The following SLC1A3 variants were observed in gnomAD, a reference collection of about 807,000 sequenced individuals.
The protein encoded by SLC1A3 is excitatory amino acid transporter 1.
SLC1A3 carries 21 observed loss-of-function variants against 48.1 expected under a neutral mutation model. That is an observed-to-expected ratio of 0.44 (90% confidence interval 0.31 to 0.63). The LOEUF (loss-of-function observed/expected upper bound fraction) is 0.63, where lower values mean the gene tolerates loss of function less well. SLC1A3 is among the 20% of genes least tolerant of loss of function. SLC1A3 has a pLI of 0.08. For synonymous variants in SLC1A3, 239 were observed against 251.4 expected, an observed-to-expected ratio of 0.95 and a Z score of 0.47; for missense variants, 546 against 689.0, an observed-to-expected ratio of 0.79 and a Z score of 2.32.
chr5:36,644,544 C>T (rs1161657073), intron 3 of SLC1A3, among the ~76,000 whole-genome samples: 1 of 152,074 alleles, frequency 6.6e-6, no homozygotes, highest in East Asian at 1.9e-4. Flanking sequence ...TTGAACTGTA[C>T]CTCTAAAAAT....
At chr5:36,597,690 A>T (rs530268012) in intron 1 of SLC1A3, among the ~76,000 whole-genome samples, 43 of 152,218 alleles carry the variant, frequency 2.8e-4, no homozygotes, top group African/African-American at 8.7e-4. Context: ...TGCCGTGGGT[A>T]AACAGCAATC....
intron 3 of SLC1A3, among the ~76,000 whole-genome samples, chr5:36,660,925 G>A (rs984344829): frequency 2.6e-5 from 4 of 151,798 alleles, no homozygotes; most frequent in Non-Finnish European, 5.9e-5. Context: ...TTTTCTCTAC[G>A]TTTTCTCTTT....
intron 9 of SLC1A3, among the ~76,000 whole-genome samples, chr5:36,684,864 A>G (rs1742582346): frequency 6.6e-6 from 1 of 152,184 alleles, no homozygotes; most frequent in Non-Finnish European, 1.5e-5. Context: ...CTACCTCTGT[A>G]AAATGAGGGT....
intron 2 of SLC1A3, 49 bp from the exon 3 acceptor site, chr5:36,629,401 T>A: frequency 1.9e-6 from 3 of 1,548,906 alleles, no homozygotes; most frequent in Non-Finnish European, 2.6e-6. Context: ...TCCTTCTGTT[T>A]CAAAAAAGAC....
chr5:36,604,119 A>G (rs1738839219), upstream of SLC1A3, among the ~76,000 whole-genome samples: 1 of 152,206 alleles, frequency 6.6e-6, no homozygotes. Flanking sequence ...TACTGATAAC[A>G]TACTTCATCA....
intron 3 of SLC1A3, among the ~76,000 whole-genome samples, chr5:36,642,376 A>G (rs1318046494): frequency 1.3e-5 from 2 of 152,200 alleles, no homozygotes; most frequent in African/African-American, 2.4e-5. Context: ...CTCAAAACAT[A>G]CTTGCTGCCA....
intron 1 of SLC1A3, chr5:36,606,951 G>C (rs1241469802): frequency 6.6e-6 from 1 of 152,278 alleles, no homozygotes; most frequent in Non-Finnish European, 1.5e-5. Context: ...GTGGATTGGG[G>C]GCAGATTGTG....
chr5:36,682,647 T>C (rs1299462429), intron 8 of SLC1A3, among the ~76,000 whole-genome samples: 1 of 152,266 alleles, frequency 6.6e-6, no homozygotes, highest in Non-Finnish European at 1.5e-5. Flanking sequence ...TGCTCTGTGG[T>C]ATAAGAGACT....
At chr5:36,665,220 A>AC (rs1377240906) in intron 3 of SLC1A3, among the ~76,000 whole-genome samples, 1 of 57,036 alleles carries the variant, frequency 1.8e-5, no homozygotes, top group African/African-American at 4.6e-5. Context: ...TAAGTGTTAG[A>AC]AAAAAAAAAA....
intron 1 of SLC1A3, among the ~76,000 whole-genome samples, chr5:36,596,747 T>C (rs1002383429): frequency 6.6e-6 from 1 of 152,210 alleles, no homozygotes; most frequent in African/African-American, 2.4e-5. Flanking sequence ...CTAATAAAAT[T>C]ATTCACTCTC....
intron 9 of SLC1A3, among the ~76,000 whole-genome samples, chr5:36,685,357 A>T (rs192659442): frequency 1.8e-4 from 27 of 152,142 alleles, no homozygotes; most frequent in Middle Eastern, 6.8e-3. Flanking sequence ...GCTCACTGCA[A>T]CCTCCGCCTC....
rs141636019 is a variant in SLC1A3 at position 36,679,872 on chromosome 5, T to A, written c.1094+12T>A. On this transcript the variant is annotated intron_variant, in intron 7 of 9. Transcript: ENST00000265113. ...GGGACCTCTTCAAGGTATGTATGTA[T>A]GTGTGGAAAATGAGTCTGAAATGTT... The A allele has an allele frequency of 6.3e-7, 1 of 1,585,444 alleles. No homozygotes were observed. The highest frequency in any genetic ancestry group is 1.3e-5 in the African/African-American group (1 of 74,358).
chr5:36,684,110 T>C, intron 9 of SLC1A3, 112 bp downstream of exon 9: 1 of 1,331,702 alleles, frequency 7.5e-7, no homozygotes, highest in Non-Finnish European at 1.1e-6. Context: ...GAGAGGGGCC[T>C]CTCGGCCCAT....
intron 2 of SLC1A3, among the ~76,000 whole-genome samples, chr5:36,611,573 C>T (rs972125625): frequency 3.3e-5 from 5 of 152,068 alleles, no homozygotes; most frequent in African/African-American, 1.2e-4. Context: ...TCTGAATGTG[C>T]CATGCCATGA....
At chr5:36,663,380 ATTTTTTTTTTTT>A (rs1156283585) in intron 3 of SLC1A3, among the ~76,000 whole-genome samples, 2 of 69,338 alleles carry the variant, frequency 2.9e-5, no homozygotes, top group African/African-American at 1.2e-4. Context: ...CACGCCCGGC[ATTTTTTTTTTTT>A]TTTTTTTTTT....
At chr5:36,624,552 A>C (rs1231818562) in intron 2 of SLC1A3, among the ~76,000 whole-genome samples, 3 of 152,200 alleles carry the variant, frequency 2.0e-5, no homozygotes, top group Non-Finnish European at 2.9e-5. Context: ...TAACAATAAT[A>C]GTCCTGGCCT....
upstream of SLC1A3, among the ~76,000 whole-genome samples, chr5:36,603,982 A>G (rs2731883): frequency 0.25 from 38,271 of 152,000 alleles, 6,910 homozygotes; most frequent in African/African-American, 0.51. Context: ...GGCCTGTACC[A>G]TGCTAAGATC....
chr5:36,667,187 C>T (rs894018531), intron 3 of SLC1A3, among the ~76,000 whole-genome samples: 6 of 152,208 alleles, frequency 3.9e-5, no homozygotes, highest in Admixed American at 2.0e-4. Context: ...CTCCATTAAA[C>T]ATGCTCTGGG....
intron 2 of SLC1A3, among the ~76,000 whole-genome samples, chr5:36,617,096 G>T (rs896514061): frequency 6.6e-6 from 1 of 152,076 alleles, no homozygotes; most frequent in African/African-American, 2.4e-5. Context: ...AACTCCAAGG[G>T]CTAATTGATT....
Sources: gnomAD v4.1 joint callset for allele counts (sites outside exome capture counted in the v4.1 genomes callset) on GRCh38, gnomAD v4.1.1 for gene constraint, MANE v1.5 for transcripts, NCBI Gene and HGNC (gene_info 2026-07-23, HGNC 2026-07-21) for gene names.